The following PTAR1 variants were observed in gnomAD, a reference collection of about 807,000 sequenced individuals.
PTAR1 encodes protein prenyltransferase alpha subunit repeat-containing protein 1.
Under a neutral mutation model 45.5 loss-of-function variants are expected in PTAR1, and 17 were observed. The ratio of observed to expected loss-of-function variants is 0.37; its 90% CI spans 0.26 to 0.56. The LOEUF is 0.56. Among genes scored for constraint, PTAR1 ranks in the 20% least tolerant of loss-of-function variants. PTAR1 has a pLI of 0.77. For synonymous variants in PTAR1, 169 were observed against 171.3 expected, an observed-to-expected ratio of 0.99 and a Z score of 0.11; for missense variants, 391 against 476.3, an observed-to-expected ratio of 0.82 and a Z score of 1.67.
intron 5 of PTAR1, among the ~76,000 whole-genome samples, chr9:69,726,656 TC>T (rs1825293762): frequency 6.6e-6 from 1 of 151,992 alleles, no homozygotes; most frequent in African/African-American, 2.4e-5. Context: ...GAATCACATT[TC>T]ATTTTAATTT....
At position 69,750,852 on chromosome 9, in the gene PTAR1, T is replaced by C; in HGVS notation, c.185A>G (p.Lys62Arg). 1.2e-6 allele frequency: 2 copies of C among 1,611,186 alleles called. No individual in the cohort carries two copies. The highest frequency in any genetic ancestry group is 1.7e-6 in the Non-Finnish European group (2 of 1,178,430). Residue 62 changes from lysine to arginine, a missense_variant, in exon 2 of 8, where the codon AAG (lysine) becomes AGG (arginine). By Grantham distance (26) the Lys-to-Arg change is conservative. Coordinates refer to ENST00000340434, the MANE Select transcript of PTAR1 (RefSeq NM_001099666.2). Reference sequence around the variant, plus strand: ...GTTGTGGACATATGGTAAAAGGAACTTGACACACCAGCTCTCCACACCCAG... The same window carrying C: ...GTTGTGGACATATGGTAAAAGGAACCTGACACACCAGCTCTCCACACCCAG... Reference protein sequence around the residue: ...NKLGVESWCVKFLLPYVHNKL... With the variant: ...NKLGVESWCVRFLLPYVHNKL...
Position 69,750,943 on chromosome 9 carries a change from T to C in PTAR1, c.94A>G (p.Ile32Val). Residue 32 changes from isoleucine to valine, a missense_variant, in exon 2 of 8, where the codon ATT becomes GTT. Transcript: ENST00000340434. Reference sequence around the variant, plus strand: ...GCTTCAGGACATGGGATCAGGCCAATTTCATCTCTTAATATGTAAAACATA... The same window carrying C: ...GCTTCAGGACATGGGATCAGGCCAACTTCATCTCTTAATATGTAAAACATA... Reference protein sequence around the residue: ...AFRRNPHIDEIGLIPCPEARY... With the variant: ...AFRRNPHIDEVGLIPCPEARY... The C allele has an allele frequency of 3.8e-6, 6 of 1,578,000 alleles. No individual in the cohort carries two copies. The highest frequency in any genetic ancestry group is 1.4e-5 in the African/African-American group (1 of 73,356).
At chr9:69,725,618 T>A (rs1372221833) in intron 5 of PTAR1, among the ~76,000 whole-genome samples, 2 of 151,694 alleles carry the variant, frequency 1.3e-5, no homozygotes, top group Non-Finnish European at 2.9e-5. Context: ...ATATATATAT[T>A]TTCAACAAAA....
At position 69,717,879 on chromosome 9, in the gene PTAR1, T is replaced by C. The variant is rs1824792221; in HGVS notation, c.*463A>G. On this transcript the variant is annotated 3_prime_UTR_variant, in exon 8 of 8. Coordinates refer to ENST00000340434, the MANE Select transcript of PTAR1 (RefSeq NM_001099666.2). ...AGTTGCATAGCACCATGCCTAGCTA[T>C]TTTGTTTTACTTTTTGTAGAAATCG... The C allele has an allele frequency of 6.5e-6, 1 of 153,820 alleles. No individual in the cohort carries two copies. Among genetic ancestry groups the C allele is most frequent in the South Asian group, 2.0e-4 (1 of 4,926 alleles). 9.5% of individuals were successfully genotyped at this position (153,820 alleles called of 1,614,324 possible).
At chr9:69,725,065 C>G (rs556440811) in intron 5 of PTAR1, among the ~76,000 whole-genome samples, 1 of 152,216 alleles carries the variant, frequency 6.6e-6, no homozygotes, top group Non-Finnish European at 1.5e-5. Flanking sequence ...AAATAAAAAT[C>G]AATCTTACAT....
Position 69,723,475 on chromosome 9 carries a change from C to G in PTAR1, c.798G>C (p.Glu266Asp), listed in dbSNP as rs1336765312. ...CATCTTTTGGAGGAACTAGGGCTGG[C>G]TCACTTCTCAAAGGATTTTGCTCCA... ...SVMEQNPLRS[E>D]PALVPPKDEE... is the part of the protein sequence containing the mutation. The change falls in exon 6 of 8, where the codon GAG (glutamate) becomes GAC (aspartate). Residue 266 changes from glutamate (E) to aspartate (D), a missense_variant. By Grantham distance (45) the Glu-to-Asp change is conservative (BLOSUM62 2). This residue lies in a region of PTAR1 where 181 missense variants were observed against 227.7 expected (regional missense o/e 0.80). Transcript: ENST00000340434. The G allele has an allele frequency of 1.2e-6, 2 of 1,613,740 alleles. No individual in the cohort carries two copies. Among genetic ancestry groups the G allele is most frequent in the Non-Finnish European group, 1.7e-6 (2 of 1,179,846 alleles).
At chr9:69,728,130 T>C (rs578020844) in intron 5 of PTAR1, among the ~76,000 whole-genome samples, 14 of 152,204 alleles carry the variant, frequency 9.2e-5, no homozygotes, top group Non-Finnish European at 1.9e-4. Flanking sequence ...CAGTATTTCC[T>C]TCCTTTTTTA....
At chr9:69,721,018 A>G (rs1564126395) in intron 6 of PTAR1, among the ~76,000 whole-genome samples, 1 of 152,196 alleles carries the variant, frequency 6.6e-6, no homozygotes, top group Non-Finnish European at 1.5e-5. Context: ...ATCAAGCAGA[A>G]ACTTCAACTT....
chr9:69,744,923 G>A (rs1013959345), intron 2 of PTAR1, among the ~76,000 whole-genome samples: 1 of 152,134 alleles, frequency 6.6e-6, no homozygotes, highest in Non-Finnish European at 1.5e-5. Flanking sequence ...GTGGTAAGAG[G>A]ATAGGCCTTC....
intron 6 of PTAR1, among the ~76,000 whole-genome samples, chr9:69,722,553 T>C (rs781161773): frequency 2.6e-5 from 4 of 152,064 alleles, no homozygotes; most frequent in Non-Finnish European, 5.9e-5. Flanking sequence ...CCATCAGGGT[T>C]GGAAAAATGA....
intron 3 of PTAR1, among the ~76,000 whole-genome samples, chr9:69,738,621 T>C (rs190187003): frequency 2.6e-5 from 4 of 152,242 alleles, no homozygotes; most frequent in East Asian, 1.9e-4. Flanking sequence ...TATCCCACCA[T>C]ATATTTTTGA....
At chr9:69,748,444 G>A (rs1826375719) in intron 2 of PTAR1, among the ~76,000 whole-genome samples, 2 of 151,810 alleles carry the variant, frequency 1.3e-5, no homozygotes, top group South Asian at 4.2e-4. Flanking sequence ...AACTAAACAG[G>A]GATAATTCCT....
chr9:69,739,257 G>T (rs1825931534), intron 3 of PTAR1, among the ~76,000 whole-genome samples: 1 of 152,144 alleles, frequency 6.6e-6, no homozygotes, highest in Non-Finnish European at 1.5e-5. Context: ...TTCAGAACAT[G>T]AATCACTGGA....
Position 69,712,853 on chromosome 9 carries a change from A to G in PTAR1, c.*5489T>C, listed in dbSNP as rs561129195. The stretch of plus-strand genomic sequence containing the variant: ...CCACAGAAGACACGAGAATGTTCAT[A>G]CTAGAGCCATAGGGACCAAAGCAGC... On this transcript the variant is annotated 3_prime_UTR_variant, in exon 8 of 8. Coordinates refer to ENST00000340434, the MANE Select transcript of PTAR1 (RefSeq NM_001099666.2). 3 of 152,270 alleles carry G rather than the reference A, an allele frequency of 2.0e-5. No individual in the cohort carries two copies. The highest frequency in any genetic ancestry group is 1.9e-4 in the East Asian group (1 of 5,176). The allele number at this position is 152,270 out of a possible 1,614,324, so 9.4% of individuals were successfully genotyped here. A position where few individuals can be genotyped will look rare whatever the true frequency, so the allele number is the denominator to read the frequency against.
chr9:69,756,231 C>T (rs993127224), intron 1 of PTAR1, among the ~76,000 whole-genome samples: 4 of 152,154 alleles, frequency 2.6e-5, no homozygotes, highest in African/African-American at 9.7e-5. Context: ...TAGAAGTGTA[C>T]ATCCTTGAGC....
chr9:69,715,766 A>G lies in PTAR1; in HGVS notation c.*2576T>C, dbSNP rs1824705058. ...GGTTTAAATATTAACCACTTAGGAAAAAAACCAACCATATAGGGCAATATT... is the reference window on the plus strand; with the variant it reads ...GGTTTAAATATTAACCACTTAGGAAGAAAACCAACCATATAGGGCAATATT... On this transcript the variant is annotated 3_prime_UTR_variant, in exon 8 of 8. Transcript: ENST00000340434. 6.6e-6 allele frequency: 1 copy of G among 152,160 alleles called. No homozygotes were observed. Among genetic ancestry groups the G allele is most frequent in the Non-Finnish European group, 1.5e-5 (1 of 68,006 alleles). The allele number at this position is 152,160 out of a possible 1,614,324, so 9.4% of individuals were successfully genotyped here.
chr9:69,720,091 T>C (rs932171411), intron 6 of PTAR1, among the ~76,000 whole-genome samples: 8 of 152,070 alleles, frequency 5.3e-5, no homozygotes, highest in African/African-American at 1.9e-4. Flanking sequence ...GTCACAGGTC[T>C]CTCACTTTAA....
chr9:69,731,790 T>G (rs1564133460), intron 5 of PTAR1: 1 of 227,690 alleles, frequency 4.4e-6, no homozygotes, highest in Non-Finnish European at 8.6e-6. Context: ...CTTAGTATAT[T>G]GTCACATAAC....
chr9:69,718,581 G>C lies in PTAR1; in HGVS notation c.983-13C>G. 1.2e-6 allele frequency: 2 copies of C among 1,613,624 alleles called. No homozygotes were observed. Among genetic ancestry groups the C allele is most frequent in the Non-Finnish European group, 1.7e-6 (2 of 1,179,666 alleles). The stretch of plus-strand genomic sequence containing the variant: ...AGCTGGGAGCCTGCTGGGATAAGGT[G>C]CAAGTCACTCAAAGTCCCCCCAGGG... On this transcript the variant is annotated splice_polypyrimidine_tract_variant and intron_variant, in intron 7 of 7. Transcript: ENST00000340434.
Sources: allele counts gnomAD v4.1 joint callset (sites outside exome capture counted in the v4.1 genomes callset), GRCh38; gene constraint gnomAD v4.1.1; regional missense constraint gnomAD v4.1.1; transcripts MANE v1.5; gene names NCBI Gene and HGNC (gene_info 2026-07-23, HGNC 2026-07-21).